Variants in MMP17 observed in about 807,000 individuals in gnomAD.
MMP17 encodes the protein matrix metalloproteinase-17.
In MMP17, 54 loss-of-function variants were observed where a neutral mutation model predicts 49.1. That is an observed-to-expected ratio of 1.10 (90% CI 0.88 to 1.38). The LOEUF (loss-of-function observed/expected upper bound fraction) is 1.38, where lower values mean the gene tolerates loss of function less well. MMP17 is among the 40% of genes most tolerant of loss of function. The probability of loss-of-function intolerance (pLI) is 0.00; values close to 1 mark genes in which losing one functional copy is unlikely to be tolerated. For synonymous variants in MMP17, 397 were observed against 383.1 expected (o/e 1.04, Z -0.42); for missense variants, 837 against 853.7 (o/e 0.98, Z 0.24).
chr12:131,843,973 C>T lies in MMP17; in HGVS notation c.884-24C>T, dbSNP rs374223752. The T allele has an allele frequency of 1.5e-5, 23 of 1,518,250 alleles. No individual in the cohort carries two copies. The East Asian group carries it at 2.5e-4, about 16-fold the overall frequency. The allele number at this position is 1,518,250 out of a possible 1,614,324, so 94.0% of individuals were successfully genotyped here. ...GAGGCGGGCGTCGGGGGTTTGAGGC[C>T]GTCCTCCTCCTTGTCTCCCGCAGGT... On this transcript the variant is annotated intron_variant, in intron 5 of 9. Coordinates refer to ENST00000360564, the MANE Select transcript of MMP17 (RefSeq NM_016155.7).
intron 5 of MMP17, among the ~76,000 whole-genome samples, 174 bp downstream of exon 5, chr12:131,841,974 C>T (rs1887440677): frequency 6.6e-6 from 1 of 152,208 alleles, no homozygotes; most frequent in South Asian, 2.1e-4. Context: ...CCCTGACGTC[C>T]CCAGAGCCCC....
intron 5 of MMP17, among the ~76,000 whole-genome samples, chr12:131,842,910 C>T (rs933129867): frequency 2.0e-5 from 3 of 152,224 alleles, no homozygotes; most frequent in Admixed American, 2.0e-4. Context: ...GGAGACCCGA[C>T]GCCCATCCCA....
At chr12:131,835,593 C>T (rs1019939558) in intron 1 of MMP17, among the ~76,000 whole-genome samples, 14 of 152,306 alleles carry the variant, frequency 9.2e-5, no homozygotes, top group South Asian at 2.1e-4. Context: ...AGCTTATAGA[C>T]GGGAAGGCTG....
At chr12:131,830,771 C>G (rs937453043) in intron 1 of MMP17, among the ~76,000 whole-genome samples, 1 of 152,194 alleles carries the variant, frequency 6.6e-6, no homozygotes, top group African/African-American at 2.4e-5. Flanking sequence ...CGCCCCGGAG[C>G]GCCCCCCGTA....
chr12:131,846,746 C>T lies in MMP17; in HGVS notation c.1204+1297C>T, dbSNP rs985864662. Among the ~76,000 whole-genome samples, 7 of 152,170 alleles carry T rather than the reference C, an allele frequency of 4.6e-5. No homozygotes were observed. The highest frequency in any genetic ancestry group is 1.4e-4 in the African/African-American group (6 of 41,438). On this transcript the variant is annotated intron_variant, in intron 8 of 9. Coordinates refer to ENST00000360564, the MANE Select transcript of MMP17 (RefSeq NM_016155.7). The surrounding 1 kb of genome is among the most constrained non-coding windows in gnomAD (Gnocchi z 4.6). ...CCCTCTTTCCAAGTAAGGTCACGTC[C>T]TGAGATTCTGGGTGGATGTGAGTTT...
At chr12:131,841,185 A>C (rs35456238) in intron 4 of MMP17, among the ~76,000 whole-genome samples, 4,087 of 152,306 alleles carry the variant, frequency 0.027, 81 homozygotes, top group Non-Finnish European at 0.043. Context: ...CGTTGTCTGC[A>C]GAAGTCTCAG....
intron 1 of MMP17, among the ~76,000 whole-genome samples, chr12:131,837,274 C>T (rs1163760096): frequency 1.3e-5 from 2 of 152,174 alleles, no homozygotes; most frequent in African/African-American, 4.8e-5. Flanking sequence ...GGGATTTGAA[C>T]CTAGGCAGCC....
At chr12:131,830,351 G>C (rs61556873) in intron 1 of MMP17, among the ~76,000 whole-genome samples, 1 of 152,242 alleles carries the variant, frequency 6.6e-6, no homozygotes, top group Admixed American at 6.5e-5. Context: ...TGGCTCCCCA[G>C]CCTGGCCGGG....
chr12:131,838,094 G>T, intron 1 of MMP17, 101 bp from the exon 2 acceptor site: 1 of 1,429,048 alleles, frequency 7.0e-7, no homozygotes, highest in Non-Finnish European at 9.4e-7. Flanking sequence ...TAGGGGGCTG[G>T]GAGGGGGCCT....
chr12:131,832,943 C>T (rs971518841), intron 1 of MMP17, among the ~76,000 whole-genome samples: 2 of 152,172 alleles, frequency 1.3e-5, no homozygotes, highest in Admixed American at 6.5e-5. Context: ...CAGCTCCTTC[C>T]GTGTCCCCCA....
Position 131,850,056 on chromosome 12 carries a change from G to A in MMP17, c.1459G>A (p.Asp487Asn), listed in dbSNP as rs144808573. ...STLDDAMRWS[D>N]GASYFFRGQE... ...GCTGGACGACGCCATGCGCTGGTCC[G>A]ACGGTGAGTGCCAGCTGGGGGGACG... Residue 487 changes from aspartate (D) to asparagine (N), a missense_variant, in exon 9 of 10, where the codon GAC (aspartate) becomes AAC (asparagine). Asp to Asn is a conservative substitution (Grantham distance 23). Transcript: ENST00000360564. 1.3e-5 allele frequency: 21 copies of A among 1,607,734 alleles called. No homozygotes were observed. The highest frequency in any genetic ancestry group is 2.2e-5 in the East Asian group (1 of 44,668).
At chr12:131,840,265 TGG>T in intron 3 of MMP17, 1 of 317,418 alleles carries the variant, frequency 3.2e-6, no homozygotes. Flanking sequence ...AGCAGGGGGA[TGG>T]GGCAGACGGG....
chr12:131,847,541 C>T (rs1310040285), intron 8 of MMP17, among the ~76,000 whole-genome samples: 1 of 152,258 alleles, frequency 6.6e-6, no homozygotes, highest in Non-Finnish European at 1.5e-5. Flanking sequence ...CCCCAGGGTG[C>T]CCTGTAGAGC....
chr12:131,836,100 C>T (rs946229603), intron 1 of MMP17, among the ~76,000 whole-genome samples: 1 of 152,200 alleles, frequency 6.6e-6, no homozygotes, highest in Non-Finnish European at 1.5e-5. Context: ...GTGCCTATAG[C>T]TTTGGAGGGG....
intron 6 of MMP17, 66 bp from the exon 7 acceptor site, chr12:131,845,052 C>G (rs952198239): frequency 7.0e-7 from 1 of 1,432,318 alleles, no homozygotes; most frequent in Non-Finnish European, 9.4e-7. Context: ...GGGGCTCTGC[C>G]GCAGGATGCC....
At chr12:131,834,222 C>T (rs562005300) in intron 1 of MMP17, among the ~76,000 whole-genome samples, 18 of 152,322 alleles carry the variant, frequency 1.2e-4, no homozygotes, top group African/African-American at 3.6e-4. Flanking sequence ...TCAGCATCAG[C>T]CAGGGGGTGG....
chr12:131,828,415 G>GAGCGGAGGGCGCCGGGCTGCGGAACGCGA lies in MMP17; in HGVS notation c.-67_-39dup. 1.2e-6 allele frequency: 1 copy of GAGCGGAGGGCGCCGGGCTGCGGAACGCGA among 835,874 alleles called. No individual in the cohort carries two copies. The highest frequency in any genetic ancestry group is 1.4e-6 in the Non-Finnish European group (1 of 693,326). The allele number at this position is 835,874 out of a possible 1,614,324, so 51.8% of individuals were successfully genotyped here. A position where few individuals can be genotyped will look rare whatever the true frequency, so the allele number is the denominator to read the frequency against. On this transcript the variant is annotated 5_prime_UTR_variant, in exon 1 of 10. Coordinates refer to ENST00000360564, the MANE Select transcript of MMP17 (RefSeq NM_016155.7). ...CTCAGTCCGGCGGGGGCGCCGCGGA[G>GAGCGGAGGGCGCCGGGCTGCGGAACGCGA]AGCGGAGGGCGCCGGGCTGCGGAAC... is the stretch of plus-strand genomic sequence containing the variant.
intron 1 of MMP17, among the ~76,000 whole-genome samples, chr12:131,835,507 G>T (rs371035858): frequency 2.0e-5 from 3 of 152,222 alleles, no homozygotes; most frequent in Non-Finnish European, 4.4e-5. Context: ...GGACCAGAGT[G>T]GGGGGTGCCC....
chr12:131,841,832 C>T (rs758968509), intron 5 of MMP17, 32 bp downstream of exon 5: 1 of 1,531,100 alleles, frequency 6.5e-7, no homozygotes. Context: ...GACACAGGGC[C>T]CCTGGAAGAG....
Sources: allele counts gnomAD v4.1 joint callset (sites outside exome capture counted in the v4.1 genomes callset), GRCh38; gene constraint gnomAD v4.1.1; non-coding constraint Gnocchi (gnomAD v3.1); transcripts MANE v1.5; gene names NCBI Gene and HGNC (gene_info 2026-07-23, HGNC 2026-07-21).